The following GABRR2 variants were observed in gnomAD, a reference collection of about 807,000 sequenced individuals.
GABRR2 encodes gamma-aminobutyric acid type A receptor subunit rho2, also known as gamma-aminobutyric acid receptor subunit rho-2.
Under a neutral mutation model 47.0 loss-of-function variants are expected in GABRR2, and 36 were observed. The observed-to-expected ratio is 0.77, with a 90% CI of 0.59 to 1.01. The LOEUF is 1.01. GABRR2 is among the 50% of genes least tolerant of loss of function. The probability of loss-of-function intolerance (pLI) is 0.00; values close to 1 mark genes in which losing one functional copy is unlikely to be tolerated. For synonymous variants in GABRR2, 204 were observed against 227.5 expected, an observed-to-expected ratio of 0.90 and a Z score of 0.93; for missense variants, 587 against 594.6, an observed-to-expected ratio of 0.99 and a Z score of 0.13.
chr6:89,301,192 T>TCAC (rs3047867), intron 1 of GABRR2, among the ~76,000 whole-genome samples: 1 of 27,672 alleles, frequency 3.6e-5, no homozygotes, highest in Non-Finnish European at 1.1e-4. Context: ...CAACACTCCT[T>TCAC]ATTAAAAACT....
Position 89,301,623 on chromosome 6 carries a change from T to C in GABRR2, c.114-1758A>G, listed in dbSNP as rs146862759. The stretch of plus-strand genomic sequence containing the variant: ...ATCAGGAATGAAATCCCATTCATGA[T>C]TGCCACAAAAAGAATAAAATGCCTA... On this transcript the variant is annotated intron_variant, in intron 1 of 8. Coordinates refer to ENST00000402938, the MANE Select transcript of GABRR2 (RefSeq NM_002043.5). 4.4e-3 allele frequency among the ~76,000 whole-genome samples: 662 copies of C among 152,026 alleles called. 9 individuals carry two copies. The highest frequency in any genetic ancestry group is 0.014 in the African/African-American group (587 of 41,432).
At chr6:89,258,468 G>A (rs1446612371) in intron 8 of GABRR2, among the ~76,000 whole-genome samples, 2 of 151,500 alleles carry the variant, frequency 1.3e-5, no homozygotes, top group African/African-American at 4.9e-5. Flanking sequence ...TGCTTTGGGA[G>A]GTCAAGGCAG....
intron 3 of GABRR2, among the ~76,000 whole-genome samples, chr6:89,271,444 G>C (rs1366353100): frequency 6.6e-6 from 1 of 152,182 alleles, no homozygotes; most frequent in African/African-American, 2.4e-5. Flanking sequence ...TGTGAAATGG[G>C]GCCCAGAAAC....
At chr6:89,314,637 T>G (rs908060344) in intron 1 of GABRR2, among the ~76,000 whole-genome samples, 3 of 152,218 alleles carry the variant, frequency 2.0e-5, no homozygotes, top group African/African-American at 7.2e-5. Context: ...TGCATTTTTT[T>G]CTTAATAGTT....
intron 1 of GABRR2, chr6:89,302,501 C>T (rs755387332): frequency 1.1e-5 from 8 of 718,424 alleles, no homozygotes; most frequent in South Asian, 2.8e-5. Context: ...TTGTGCTTCC[C>T]GGGCCAGCTC....
chr6:89,285,226 C>A (rs1774313516), intron 2 of GABRR2, among the ~76,000 whole-genome samples: 1 of 152,212 alleles, frequency 6.6e-6, no homozygotes, highest in South Asian at 2.1e-4. Flanking sequence ...CAGACTGGGC[C>A]CAGCTACCCT....
intron 1 of GABRR2, 99 bp from the exon 2 acceptor site, chr6:89,299,964 C>A (rs567889266): frequency 1.3e-6 from 1 of 766,488 alleles, no homozygotes; most frequent in South Asian, 1.5e-5. Flanking sequence ...CTGTTAGGTA[C>A]CTTTTCTCCA....
chr6:89,264,718 C>T (rs1433480942), intron 7 of GABRR2, 110 bp from the exon 8 acceptor site: 6 of 1,379,136 alleles, frequency 4.4e-6, no homozygotes, highest in African/African-American at 1.4e-5. Flanking sequence ...TGAGAAAGTC[C>T]CAGGTGTGTT....
chr6:89,281,459 T>C (rs1774253876), intron 2 of GABRR2, among the ~76,000 whole-genome samples: 1 of 152,214 alleles, frequency 6.6e-6, no homozygotes, highest in Non-Finnish European at 1.5e-5. Context: ...CACTAGTTAC[T>C]TCTAACAGGT....
intron 2 of GABRR2, among the ~76,000 whole-genome samples, chr6:89,284,194 G>A (rs1774297278): frequency 6.6e-6 from 1 of 152,178 alleles, no homozygotes; most frequent in Non-Finnish European, 1.5e-5. Flanking sequence ...GAGGGGGTGT[G>A]AGGGAGCCTT....
chr6:89,306,712 C>T (rs915443601), intron 1 of GABRR2, among the ~76,000 whole-genome samples: 3 of 151,980 alleles, frequency 2.0e-5, no homozygotes, highest in Admixed American at 2.0e-4. Context: ...TTTTCTTCAC[C>T]ACAACTGCAC....
chr6:89,315,266 G>A lies in GABRR2; in HGVS notation c.-101C>T, dbSNP rs1189332893. The A allele has an allele frequency of 6.3e-6, 10 of 1,592,194 alleles. No individual in the cohort carries two copies. The highest frequency in any genetic ancestry group is 6.9e-6 in the Non-Finnish European group (8 of 1,167,822). On this transcript the variant is annotated 5_prime_UTR_variant, in exon 1 of 9. Coordinates refer to ENST00000402938, the MANE Select transcript of GABRR2 (RefSeq NM_002043.5). The stretch of plus-strand genomic sequence containing the variant: ...TGATCCATCTGCTGCCTCCTGACGG[G>A]CTGCTCTGAGGGGCTGTGAGGGCAA...
chr6:89,305,950 T>C (rs1767551863), intron 1 of GABRR2, among the ~76,000 whole-genome samples: 1 of 151,346 alleles, frequency 6.6e-6, no homozygotes, highest in Non-Finnish European at 1.5e-5. Flanking sequence ...GAACCTAAAA[T>C]AGAAGTCTTA....
intron 1 of GABRR2, among the ~76,000 whole-genome samples, 162 bp from the exon 2 acceptor site, chr6:89,300,027 C>T (rs572395720): frequency 2.0e-5 from 3 of 152,312 alleles, no homozygotes; most frequent in East Asian, 3.9e-4. Context: ...TCCACACACA[C>T]GCCAGATCCT....
At chr6:89,266,300 C>T (rs575938237) in intron 6 of GABRR2, among the ~76,000 whole-genome samples, 1 of 152,252 alleles carries the variant, frequency 6.6e-6, no homozygotes, top group South Asian at 2.1e-4. Context: ...GTTGTTTGTT[C>T]TGTATTTGTA....
intron 1 of GABRR2, among the ~76,000 whole-genome samples, chr6:89,301,525 T>A (rs1039290107): frequency 6.6e-6 from 1 of 151,986 alleles, no homozygotes; most frequent in Admixed American, 6.6e-5. Flanking sequence ...TTCAGCAAAG[T>A]TTTGGGATAC....
At chr6:89,308,503 C>A (rs1166898196) in intron 1 of GABRR2, among the ~76,000 whole-genome samples, 1 of 152,098 alleles carries the variant, frequency 6.6e-6, no homozygotes, top group East Asian at 1.9e-4. Context: ...AAATAAATAA[C>A]ATTTCCATAA....
intron 2 of GABRR2, among the ~76,000 whole-genome samples, chr6:89,293,268 A>T (rs887526228): frequency 9.2e-5 from 14 of 152,168 alleles, no homozygotes; most frequent in African/African-American, 3.1e-4. Flanking sequence ...CAGAAAGTTG[A>T]ATGGTGGTTG....
chr6:89,315,065 A>G lies in GABRR2; in HGVS notation c.101T>C (p.Met34Thr), dbSNP rs1316269802. The change falls in exon 1 of 9, where the codon ATG (methionine) becomes ACG (threonine). Residue 34 changes from methionine (M) to threonine (T), a missense_variant. Physicochemically the swap from Met to Thr is moderately conservative, Grantham distance 81 (BLOSUM62 -1). Transcript: ENST00000402938. ...KRKRWTGQVE[M>T]PKPSHLYKKN... Reference sequence around the variant, plus strand: ...CCTATGACTTTACCTTGGCTTGGGCATTTCCACCTGCCCTGTCCATCGCTT... The same window carrying G: ...CCTATGACTTTACCTTGGCTTGGGCGTTTCCACCTGCCCTGTCCATCGCTT... 10 of 1,613,392 alleles carry G rather than the reference A, an allele frequency of 6.2e-6. No individual in the cohort carries two copies. The highest frequency in any genetic ancestry group is 8.5e-6 in the Non-Finnish European group (10 of 1,179,532).
Sources: gnomAD v4.1 joint callset for allele counts (sites outside exome capture counted in the v4.1 genomes callset) on GRCh38, gnomAD v4.1.1 for gene constraint, MANE v1.5 for transcripts, NCBI Gene and HGNC (gene_info 2026-07-23, HGNC 2026-07-21) for gene names.